VWA8: variants seen among roughly 807,000 people sequenced by gnomAD.
The protein encoded by VWA8 is von Willebrand factor A domain containing 8.
A neutral mutation model predicts 241.5 loss-of-function variants in VWA8; 221 were observed. That is an observed-to-expected ratio of 0.91 (90% CI 0.82 to 1.02). The LOEUF (loss-of-function observed/expected upper bound fraction) is 1.02, where lower values mean the gene tolerates loss of function less well. Ranked by LOEUF, VWA8 falls within the 50% of genes least tolerant of loss-of-function variation. The pLI, the probability that VWA8 is intolerant of heterozygous loss-of-function variation, is 0.00. For synonymous variants in VWA8, 852 were observed against 827.1 expected (o/e 1.03, Z -0.52); for missense variants, 2,322 against 2,328.7 (o/e 1.00, Z 0.06).
chr13:41,892,154 C>G (rs560294471), intron 4 of VWA8, among the ~76,000 whole-genome samples: 246 of 152,094 alleles, frequency 1.6e-3, no homozygotes, highest in Admixed American at 2.9e-3. Flanking sequence ...ACTGACTTAA[C>G]CAGTACTACA....
intron 2 of VWA8, among the ~76,000 whole-genome samples, chr13:41,942,597 T>G (rs999054196): frequency 2.6e-5 from 4 of 151,968 alleles, no homozygotes; most frequent in Non-Finnish European, 5.9e-5. Context: ...ATAGAAAACC[T>G]GCATCCACCC....
At chr13:41,766,327 G>A (rs73466981) in intron 20 of VWA8, among the ~76,000 whole-genome samples, 1,821 of 152,196 alleles carry the variant, frequency 0.012, 35 homozygotes, top group African/African-American at 0.039. Context: ...AAGGAGGAGA[G>A]AAAGAAAGAA....
intron 43 of VWA8, among the ~76,000 whole-genome samples, chr13:41,572,378 A>G (rs1448425753): frequency 2.0e-5 from 3 of 152,262 alleles, no homozygotes; most frequent in Non-Finnish European, 2.9e-5. Context: ...ATGTGGGGAA[A>G]AGAGATCAGA....
chr13:41,866,041 A>G lies in VWA8; in HGVS notation c.1213-5T>C. ...TAGCCTGGTCCCGGCTGGCACCTATAATTAAAGAGAGGTCAATATAACATG... is the reference window on the plus strand; with the variant it reads ...TAGCCTGGTCCCGGCTGGCACCTATGATTAAAGAGAGGTCAATATAACATG... On this transcript the variant is annotated splice_region_variant and splice_polypyrimidine_tract_variant and intron_variant, in intron 10 of 44. Coordinates refer to ENST00000379310, the MANE Select transcript of VWA8 (RefSeq NM_015058.2). 6.2e-7 allele frequency: 1 copy of G among 1,613,524 alleles called. No individual in the cohort carries two copies. Among genetic ancestry groups the G allele is most frequent in the Non-Finnish European group, 8.5e-7 (1 of 1,179,548 alleles).
At chr13:41,906,559 T>C (rs930135124) in intron 4 of VWA8, among the ~76,000 whole-genome samples, 1 of 152,100 alleles carries the variant, frequency 6.6e-6, no homozygotes, top group Non-Finnish European at 1.5e-5. Flanking sequence ...AACTAAAGAG[T>C]ATTCTACTTA....
rs796873882 is a variant in VWA8 at position 41,573,484 on chromosome 13, A to ATAAAT, written c.5370+2255_5370+2256insATTTA. ...AGGGTGGCTATAGTTTAAAAAAAAA[A>ATAAAT]AAATATATATATATATATATATACC... On this transcript the variant is annotated intron_variant, in intron 43 of 44. Coordinates refer to ENST00000379310, the MANE Select transcript of VWA8 (RefSeq NM_015058.2). 1.2e-4 allele frequency among the ~76,000 whole-genome samples: 14 copies of ATAAAT among 117,018 alleles called. 1 individual carries two copies. Among genetic ancestry groups the ATAAAT allele is most frequent in the African/African-American group, 5.2e-4 (14 of 26,768 alleles). 76.8% of individuals were successfully genotyped at this position (117,018 alleles called of 152,430 possible). A position where few individuals can be genotyped will look rare whatever the true frequency, so the allele number is the denominator to read the frequency against.
chr13:41,762,780 G>A (rs1287697429), intron 20 of VWA8, among the ~76,000 whole-genome samples: 1 of 152,044 alleles, frequency 6.6e-6, no homozygotes, highest in East Asian at 1.9e-4. Context: ...CGCCACAGGG[G>A]GTAGAAACCA....
intron 14 of VWA8, among the ~76,000 whole-genome samples, chr13:41,828,626 GAGAA>G (rs894168743): frequency 1.1e-4 from 16 of 152,132 alleles, no homozygotes; most frequent in African/African-American, 2.2e-4. Context: ...TTCTCACTCT[GAGAA>G]AGAGAGAGAA....
chr13:41,680,015 A>G (rs2045087272), intron 35 of VWA8, among the ~76,000 whole-genome samples: 1 of 151,870 alleles, frequency 6.6e-6, no homozygotes, highest in Non-Finnish European at 1.5e-5. Flanking sequence ...ACTCTTTTTC[A>G]TTCCCCAATC....
intron 37 of VWA8, among the ~76,000 whole-genome samples, chr13:41,638,780 G>A (rs1254585248): frequency 6.6e-6 from 1 of 152,152 alleles, no homozygotes; most frequent in African/African-American, 2.4e-5. Context: ...AGAATTACAT[G>A]AATTAGAATG....
chr13:41,721,680 C>A, intron 24 of VWA8, 105 bp from the exon 25 acceptor site: 3 of 1,188,520 alleles, frequency 2.5e-6, no homozygotes, highest in Non-Finnish European at 3.5e-6. Flanking sequence ...CTCATCAAAG[C>A]ATAGAAAGCC....
chr13:41,650,857 C>T (rs932061272), intron 37 of VWA8, among the ~76,000 whole-genome samples: 11 of 152,146 alleles, frequency 7.2e-5, no homozygotes, highest in African/African-American at 1.2e-4. Flanking sequence ...GAGACATTGG[C>T]ATGCAGCCTT....
At chr13:41,665,627 G>C (rs764409557) in intron 37 of VWA8, among the ~76,000 whole-genome samples, 7 of 151,696 alleles carry the variant, frequency 4.6e-5, no homozygotes, top group Non-Finnish European at 8.8e-5. Flanking sequence ...GCTCAGAACC[G>C]TAACAGTTCT....
intron 2 of VWA8, among the ~76,000 whole-genome samples, chr13:41,928,948 A>G (rs770601802): frequency 4.6e-5 from 7 of 152,128 alleles, no homozygotes; most frequent in Non-Finnish European, 1.0e-4. Context: ...AAAATATCCC[A>G]TGTCCATTAA....
intron 37 of VWA8, among the ~76,000 whole-genome samples, chr13:41,667,563 T>C (rs1411198173): frequency 6.6e-6 from 1 of 152,218 alleles, no homozygotes; most frequent in Non-Finnish European, 1.5e-5. Context: ...AAGATTTACT[T>C]TGTGATTTCT....
At chr13:41,929,151 A>ATTTTT (rs367906772) in intron 2 of VWA8, among the ~76,000 whole-genome samples, 2 of 126,662 alleles carry the variant, frequency 1.6e-5, no homozygotes, top group Non-Finnish European at 3.3e-5. Context: ...CTTGACTTTA[A>ATTTTT]TTTTTTTTTT....
intron 18 of VWA8, among the ~76,000 whole-genome samples, chr13:41,784,545 T>C (rs1208180109): frequency 7.5e-6 from 1 of 134,142 alleles, no homozygotes. Context: ...ACGCCTGTAG[T>C]CCCAGCTATT....
At chr13:41,686,426 T>C (rs1346188632) in intron 34 of VWA8, among the ~76,000 whole-genome samples, 2 of 152,174 alleles carry the variant, frequency 1.3e-5, no homozygotes, top group Non-Finnish European at 2.9e-5. Flanking sequence ...TAATGACTAA[T>C]GATGTCCAAT....
At chr13:41,958,060 T>A (rs1878427536) in intron 1 of VWA8, among the ~76,000 whole-genome samples, 1 of 152,226 alleles carries the variant, frequency 6.6e-6, no homozygotes, top group African/African-American at 2.4e-5. Flanking sequence ...CAAGAGACAG[T>A]AATTTTAATG....
Sources: gnomAD v4.1 joint callset for allele counts (sites outside exome capture counted in the v4.1 genomes callset) on GRCh38, gnomAD v4.1.1 for gene constraint, MANE v1.5 for transcripts, NCBI Gene and HGNC (gene_info 2026-07-23, HGNC 2026-07-21) for gene names.